The following MYO5A variants were observed in gnomAD, a reference collection of about 807,000 sequenced individuals.
MYO5A encodes the protein unconventional myosin-Va.
Under a neutral mutation model 249.7 loss-of-function variants are expected in MYO5A, and 98 were observed. That is an observed-to-expected ratio of 0.39 (90% CI 0.33 to 0.46). The LOEUF (loss-of-function observed/expected upper bound fraction) is 0.46. Among genes scored for constraint, MYO5A ranks in the 20% least tolerant of loss-of-function variants. The probability of loss-of-function intolerance (pLI) is 0.98; values close to 1 mark genes in which losing one functional copy is unlikely to be tolerated. For synonymous variants in MYO5A, 778 were observed against 810.6 expected, an observed-to-expected ratio of 0.96 and a Z score of 0.68; for missense variants, 1,696 against 2,308.8, an observed-to-expected ratio of 0.73 and a Z score of 5.44.
chr15:52,501,876 T>TACACACACAC (rs10552352), intron 1 of MYO5A, among the ~76,000 whole-genome samples: 6 of 140,530 alleles, frequency 4.3e-5, no homozygotes, highest in East Asian at 2.1e-4. Context: ...ATACATATAC[T>TACACACACAC]ACACACACAC....
intron 1 of MYO5A, among the ~76,000 whole-genome samples, chr15:52,452,882 AAAG>A (rs2076048567): frequency 6.6e-6 from 1 of 152,040 alleles, no homozygotes; most frequent in African/African-American, 2.4e-5. Context: ...GAGAAACAAA[AAAG>A]AATAAAAAGG....
At chr15:52,344,108 T>C (rs2039503163) in intron 30 of MYO5A, among the ~76,000 whole-genome samples, 1 of 152,186 alleles carries the variant, frequency 6.6e-6, no homozygotes, top group African/African-American at 2.4e-5. Context: ...ACTCCTGCTA[T>C]ATTGTTGTTA....
intron 22 of MYO5A, among the ~76,000 whole-genome samples, chr15:52,367,789 CAAT>C (rs1308115016): frequency 1.3e-5 from 2 of 151,298 alleles, no homozygotes; most frequent in Non-Finnish European, 2.9e-5. Flanking sequence ...GACATTACAA[CAAT>C]GTCAATGTAC....
At chr15:52,438,707 G>A (rs1339894924) in intron 1 of MYO5A, among the ~76,000 whole-genome samples, 1 of 152,234 alleles carries the variant, frequency 6.6e-6, no homozygotes. Flanking sequence ...GACAATGATC[G>A]GGATATAAAC....
intron 2 of MYO5A, among the ~76,000 whole-genome samples, chr15:52,430,339 C>G (rs1210844620): frequency 6.6e-6 from 1 of 152,086 alleles, no homozygotes; most frequent in African/African-American, 2.4e-5. Context: ...TTGTTTGTGG[C>G]TAGTGTGGGG....
intron 4 of MYO5A, among the ~76,000 whole-genome samples, chr15:52,417,609 G>C (rs148607890): frequency 1.3e-5 from 2 of 152,210 alleles, no homozygotes; most frequent in Admixed American, 1.3e-4. Context: ...GATATTGGGA[G>C]GTGGGGCCTT....
intron 33 of MYO5A, among the ~76,000 whole-genome samples, chr15:52,337,089 A>G (rs911740573): frequency 1.3e-5 from 2 of 152,196 alleles, no homozygotes; most frequent in African/African-American, 4.8e-5. Context: ...GAAAAAAATA[A>G]TCACAAAGAA....
At chr15:52,384,137 G>C in intron 15 of MYO5A, 24 bp downstream of exon 15, 1 of 1,613,692 alleles carries the variant, frequency 6.2e-7, no homozygotes, top group Non-Finnish European at 8.5e-7. Flanking sequence ...AAGGAGCGTG[G>C]CAGCGGCAGC....
At chr15:52,338,259 G>A (rs569160851) in intron 32 of MYO5A, among the ~76,000 whole-genome samples, 32 of 150,782 alleles carry the variant, frequency 2.1e-4, no homozygotes, top group African/African-American at 7.3e-4. Flanking sequence ...AGCAGCAGTG[G>A]CAAGAATAGG....
At chr15:52,427,847 G>C (rs868336632) in intron 3 of MYO5A, among the ~76,000 whole-genome samples, 3 of 152,068 alleles carry the variant, frequency 2.0e-5, no homozygotes, top group Non-Finnish European at 4.4e-5. Flanking sequence ...CTGGAGAAGG[G>C]GGAAAGGAAC....
intron 11 of MYO5A, among the ~76,000 whole-genome samples, chr15:52,395,084 T>C (rs1336774649): frequency 1.3e-5 from 2 of 152,218 alleles, no homozygotes; most frequent in Non-Finnish European, 1.5e-5. Flanking sequence ...AGCAATTCCT[T>C]GTCCCATCTC....
intron 12 of MYO5A, among the ~76,000 whole-genome samples, chr15:52,389,862 G>A (rs527325425): frequency 4.7e-4 from 72 of 152,132 alleles, no homozygotes; most frequent in Non-Finnish European, 8.7e-4. Flanking sequence ...ACTGAGGCAG[G>A]AGAATCCCTT....
intron 1 of MYO5A, among the ~76,000 whole-genome samples, chr15:52,441,313 T>C (rs1480527267): frequency 6.6e-6 from 1 of 151,138 alleles, no homozygotes; most frequent in Non-Finnish European, 1.5e-5. Flanking sequence ...TACAAGAGGA[T>C]GTGTGTGTGT....
chr15:52,388,102 C>T (rs1252099856), intron 13 of MYO5A, among the ~76,000 whole-genome samples, 190 bp from the exon 14 acceptor site: 1 of 152,166 alleles, frequency 6.6e-6, no homozygotes, highest in African/African-American at 2.4e-5. Flanking sequence ...TAAAACTCCT[C>T]AAATATCGTT....
rs2075580186 is a variant in MYO5A, at chr15:52,433,221, T to A, written c.92A>T (p.Tyr31Phe). ...CAGGAGGACTTTATCTCCTGGCTTA[T>A]AATCTTTGAGCAGCTCTGCTGACTT... is the stretch of plus-strand genomic sequence containing the variant. The part of the protein sequence containing the change: ...VWKSAELLKD[Y>F]KPGDKVLLLH... Residue 31 changes from tyrosine to phenylalanine, a missense_variant, in exon 2 of 42, where the codon TAT becomes TTT. Tyr to Phe is a conservative substitution (Grantham distance 22, BLOSUM62 3). Transcript: ENST00000399233. The A allele has an allele frequency of 3.1e-6, 5 of 1,613,728 alleles. No individual in the cohort carries two copies. The highest frequency in any genetic ancestry group is 4.2e-6 in the Non-Finnish European group (5 of 1,179,850).
intron 13 of MYO5A, among the ~76,000 whole-genome samples, chr15:52,388,954 T>C (rs903452408): frequency 6.6e-6 from 1 of 151,994 alleles, no homozygotes; most frequent in African/African-American, 2.4e-5. Flanking sequence ...AATAATCTCA[T>C]GTTAATTCAG....
At chr15:52,445,571 T>C (rs1312268035) in intron 1 of MYO5A, among the ~76,000 whole-genome samples, 1 of 152,108 alleles carries the variant, frequency 6.6e-6, no homozygotes, top group Non-Finnish European at 1.5e-5. Context: ...GTTGGAAGCA[T>C]ATGGAAGGCT....
At chr15:52,475,192 T>C (rs2076565959) in intron 1 of MYO5A, among the ~76,000 whole-genome samples, 1 of 152,232 alleles carries the variant, frequency 6.6e-6, no homozygotes, top group Non-Finnish European at 1.5e-5. Flanking sequence ...TTTACAGTAT[T>C]CTCTGATGGT....
chr15:52,440,520 G>A (rs1192081453), intron 1 of MYO5A, among the ~76,000 whole-genome samples: 5 of 152,230 alleles, frequency 3.3e-5, no homozygotes, highest in Admixed American at 1.3e-4. Flanking sequence ...TGCCCACCTC[G>A]GCCTCTCAAA....
Sources: allele counts gnomAD v4.1 joint callset (sites outside exome capture counted in the v4.1 genomes callset), GRCh38; gene constraint gnomAD v4.1.1; transcripts MANE v1.5; gene names NCBI Gene and HGNC (gene_info 2026-07-23, HGNC 2026-07-21).